Variants in MATN4 observed in about 807,000 individuals in gnomAD.
MATN4 encodes matrilin 4.
A neutral mutation model predicts 54.6 loss-of-function variants in MATN4; 40 were observed. The observed-to-expected ratio is 0.73, with a 90% confidence interval of 0.57 to 0.95. MATN4 has a LOEUF of 0.95. MATN4 is among the 40% of genes least tolerant of loss of function. MATN4 has a pLI of 0.00. For missense variants in MATN4, 810 were observed against 819.1 expected, an observed-to-expected ratio of 0.99 and a Z score of 0.13; for synonymous variants, 351 against 345.3, an observed-to-expected ratio of 1.02 and a Z score of -0.18.
chr20:45,301,468 A>G, intron 3 of MATN4, 25 bp from the exon 4 acceptor site: 1 of 1,609,242 alleles, frequency 6.2e-7, no homozygotes, highest in Non-Finnish European at 8.5e-7. Context: ...GGGTCAGTCT[A>G]TGCCCAGGAC....
In MATN4 at chr20:45,304,559, C is replaced by A; in HGVS notation, c.312G>T (p.Leu104=). The change falls in exon 3 of 10, where the codon CTG becomes CTT. Residue 104 remains leucine (L), a synonymous_variant. Transcript: ENST00000372756. ...TCATGGTGCCTTGCGCCAGAGGCAC[C>A]AGGTCGCGGATGGCGCGCTCCATGT... The part of the protein sequence containing the change: ...REDMERAIRD[L]VPLAQGTMTG... The A allele has an allele frequency of 6.3e-7, 1 of 1,597,212 alleles. No individual in the cohort carries two copies. The highest frequency in any genetic ancestry group is 8.6e-7 in the Non-Finnish European group (1 of 1,166,798).
At chr20:45,297,424 A>T (rs1388296163) in intron 8 of MATN4, among the ~76,000 whole-genome samples, 1 of 146,574 alleles carries the variant, frequency 6.8e-6, no homozygotes, top group Non-Finnish European at 1.5e-5. Context: ...CTTATGAGGT[A>T]TGTTGTCCCC....
intron 6 of MATN4, among the ~76,000 whole-genome samples, chr20:45,299,241 G>T (rs1986062889): frequency 6.6e-6 from 1 of 152,156 alleles, no homozygotes. Context: ...GCGTGGGGAG[G>T]TTTTCAAAGG....
Position 45,304,429 on chromosome 20 carries a change from C to T in MATN4, c.442G>A (p.Gly148Arg). 6.5e-7 allele frequency: 1 copy of T among 1,534,058 alleles called. No individual in the cohort carries two copies. Among genetic ancestry groups the T allele is most frequent in the Non-Finnish European group, 8.8e-7 (1 of 1,136,888 alleles). Reference sequence around the variant, plus strand: ...TCGGCCACGCGGTCCTGGGGCCGCCCGTCTGTCACGATGACAGCGACACGC... The same window carrying T: ...TCGGCCACGCGGTCCTGGGGCCGCCTGTCTGTCACGATGACAGCGACACGC... Reference protein sequence around the residue: ...VPRVAVIVTDGRPQDRVAEVA... With the variant: ...VPRVAVIVTDRRPQDRVAEVA... The change falls in exon 3 of 10, where the codon GGG (glycine) becomes AGG (arginine). Residue 148 changes from glycine (G) to arginine (R), a missense_variant. Coordinates refer to ENST00000372756, the MANE Select transcript of MATN4 (RefSeq NM_001393530.1).
At chr20:45,307,246 C>G (rs1437482756) in intron 1 of MATN4, among the ~76,000 whole-genome samples, 1 of 152,122 alleles carries the variant, frequency 6.6e-6, no homozygotes, top group African/African-American at 2.4e-5. Context: ...GGCCAGCTGC[C>G]CCTAACCCAA....
chr20:45,293,544 C>T lies in MATN4; in HGVS notation c.*223G>A, dbSNP rs1338686503. 3.6e-5 allele frequency: 19 copies of T among 523,448 alleles called. No individual in the cohort carries two copies. The East Asian group carries it at 5.7e-4, about 16-fold the overall frequency. 32.4% of individuals were successfully genotyped at this position (523,448 alleles called of 1,614,324 possible). On this transcript the variant is annotated 3_prime_UTR_variant, in exon 10 of 10. Coordinates refer to ENST00000372756, the MANE Select transcript of MATN4 (RefSeq NM_001393530.1). ...GCGGCGAGGGCGTGCCGGTCTAGCA[C>T]GTGCCCCTTCCCTCACCACCCGCTA...
chr20:45,306,622 T>C (rs966655950), intron 1 of MATN4, among the ~76,000 whole-genome samples: 2 of 151,908 alleles, frequency 1.3e-5, no homozygotes, highest in East Asian at 3.9e-4. Context: ...TGGCAGCGAG[T>C]GGACCAAAAC....
At chr20:45,300,355 C>T (rs1485204528) in intron 6 of MATN4, among the ~76,000 whole-genome samples, 2 of 152,106 alleles carry the variant, frequency 1.3e-5, no homozygotes, top group Non-Finnish European at 2.9e-5. Context: ...GAAGCTAGAT[C>T]GTGATGACCT....
At chr20:45,301,055 G>A (rs577206398) in intron 5 of MATN4, 46 bp from the exon 6 acceptor site, 3 of 1,614,042 alleles carry the variant, frequency 1.9e-6, no homozygotes, top group East Asian at 2.2e-5. Flanking sequence ...GACCCCACCA[G>A]CTAAGATCTC....
In MATN4 at chr20:45,304,683, C is replaced by A; in HGVS notation, c.188G>T (p.Gly63Val). 1 of 1,612,916 alleles carries A rather than the reference C, an allele frequency of 6.2e-7. No homozygotes were observed. Among genetic ancestry groups the A allele is most frequent in the Non-Finnish European group, 8.5e-7 (1 of 1,179,390 alleles). ...MRQFLMGLLR[G>V]LNVGPNATRV... ...CGTGGCGTTGGGACCCACGTTCAGG[C>A]CTCGGAGGAGGCCCATGAGGAACTG... The change falls in exon 3 of 10, where the codon GGC becomes GTC. Residue 63 changes from glycine (G) to valine (V), a missense_variant. Physicochemically the swap from Gly to Val is moderately radical, Grantham distance 109. Transcript: ENST00000372756.
chr20:45,306,601 G>C (rs2743311), intron 1 of MATN4, among the ~76,000 whole-genome samples: 1 of 152,242 alleles, frequency 6.6e-6, no homozygotes, highest in African/African-American at 2.4e-5. Context: ...GCGGGGCTGA[G>C]CGTGGTGGCG....
At chr20:45,294,950 G>A (rs185582240) in intron 8 of MATN4, among the ~76,000 whole-genome samples, 1 of 152,296 alleles carries the variant, frequency 6.6e-6, no homozygotes, top group East Asian at 1.9e-4. Flanking sequence ...GATCTAGGTT[G>A]CAGGCTTCTT....
At position 45,304,653 on chromosome 20, in the gene MATN4, ACGCG is replaced by A. The variant is rs1210731330; in HGVS notation, c.214_217del (p.Arg72LeufsTer3). 3.7e-6 allele frequency: 6 copies of A among 1,612,176 alleles called. No homozygotes were observed. The Admixed American group carries it at 8.3e-5, about 22-fold the overall frequency. ...TTGACTCGAATACTGGATCACGCCAACGCGCGTGGCGTTGGGACCCACGTTCAGG... is the reference window on the plus strand; with the variant it reads ...TTGACTCGAATACTGGATCACGCCAACGTGGCGTTGGGACCCACGTTCAGG... On this transcript the variant is annotated frameshift_variant, in exon 3 of 10. Coordinates refer to ENST00000372756, the MANE Select transcript of MATN4 (RefSeq NM_001393530.1). LOFTEE classifies it high-confidence loss of function.
chr20:45,306,466 C>T (rs1178354486), intron 1 of MATN4, among the ~76,000 whole-genome samples: 1 of 152,234 alleles, frequency 6.6e-6, no homozygotes, highest in Non-Finnish European at 1.5e-5. Flanking sequence ...GGCCCACTCC[C>T]CTACGCACAC....
chr20:45,304,263 T>G lies in MATN4; in HGVS notation c.608A>C (p.Gln203Pro). 6.5e-7 allele frequency: 1 copy of G among 1,544,484 alleles called. No homozygotes were observed. The highest frequency in any genetic ancestry group is 8.7e-7 in the Non-Finnish European group (1 of 1,149,764). ...VFLVESFDLIQEFGLQFQSRL... is the reference protein window; with the variant it reads ...VFLVESFDLIPEFGLQFQSRL... ...GCTCTGGAACTGCAGGCCGAACTCC[T>G]GGATGAGGTCGAAGGACTCTACGAG... Residue 203 changes from glutamine to proline, a missense_variant, in exon 3 of 10, where the codon CAG becomes CCG. By Grantham distance (76) the Gln-to-Pro change is moderately conservative. Coordinates refer to ENST00000372756, the MANE Select transcript of MATN4 (RefSeq NM_001393530.1).
intron 1 of MATN4, 74 bp from the exon 2 acceptor site, chr20:45,305,690 G>A: frequency 1.5e-6 from 1 of 659,648 alleles, no homozygotes. Flanking sequence ...GCACTTGGAG[G>A]GGGAAGACAG....
chr20:45,293,986 G>A lies in MATN4; in HGVS notation c.1609C>T (p.Arg537Trp), dbSNP rs1985649279. The A allele has an allele frequency of 6.2e-7, 1 of 1,602,950 alleles. No homozygotes were observed. The highest frequency in any genetic ancestry group is 2.2e-5 in the East Asian group (1 of 44,866). The change falls in exon 9 of 10, where the codon CGG becomes TGG. Residue 537 changes from arginine to tryptophan, a missense_variant. Coordinates refer to ENST00000372756, the MANE Select transcript of MATN4 (RefSeq NM_001393530.1). ...EEGISAGTEL[R>W]SPCECESLVE... Reference sequence around the variant, plus strand: ...AGGCTTTCGCATTCGCATGGGCTCCGAAGCTCTGTCCCTGCGCTGATGCCC... The same window carrying A: ...AGGCTTTCGCATTCGCATGGGCTCCAAAGCTCTGTCCCTGCGCTGATGCCC...
Position 45,304,548 on chromosome 20 carries a change from G to A in MATN4, c.323C>T (p.Ala108Val), listed in dbSNP as rs201834747. 788 of 1,596,576 alleles carry A rather than the reference G, an allele frequency of 4.9e-4. 1 individual carries two copies. The highest frequency in any genetic ancestry group is 5.7e-4 in the Non-Finnish European group (663 of 1,166,596). The change falls in exon 3 of 10, where the codon GCG becomes GTG. Residue 108 changes from alanine (A) to valine (V), a missense_variant. Coordinates refer to ENST00000372756, the MANE Select transcript of MATN4 (RefSeq NM_001393530.1). ...TGCCAGTCCCGTCATGGTGCCTTGC[G>A]CCAGAGGCACCAGGTCGCGGATGGC... The part of the protein sequence containing the change: ...ERAIRDLVPL[A>V]QGTMTGLAIQ...
chr20:45,293,863 C>G (rs778277208), intron 9 of MATN4, 38 bp from the exon 10 acceptor site: 5 of 1,608,628 alleles, frequency 3.1e-6, no homozygotes, highest in South Asian at 1.1e-5. Flanking sequence ...TCGCCGAGGT[C>G]CCTTCACTTT....
Sources: allele counts gnomAD v4.1 joint callset (sites outside exome capture counted in the v4.1 genomes callset), GRCh38; gene constraint gnomAD v4.1.1; transcripts MANE v1.5; gene names NCBI Gene and HGNC (gene_info 2026-07-23, HGNC 2026-07-21).